The following BBS9 variants were observed in gnomAD, a reference collection of about 807,000 sequenced individuals.
BBS9 encodes protein PTHB1.
In BBS9, 89 loss-of-function variants were observed where a neutral mutation model predicts 117.7. The ratio of observed to expected loss-of-function variants is 0.76; its 90% CI spans 0.64 to 0.90. The LOEUF (loss-of-function observed/expected upper bound fraction) is 0.90, where lower values mean the gene tolerates loss of function less well. Among genes scored for constraint, BBS9 ranks in the 40% least tolerant of loss-of-function variants. The probability of loss-of-function intolerance (pLI) is 0.00; values close to 1 mark genes in which losing one functional copy is unlikely to be tolerated. For missense variants in BBS9, 982 were observed against 1,042.2 expected, an observed-to-expected ratio of 0.94 and a Z score of 0.80; for synonymous variants, 379 against 370.9, an observed-to-expected ratio of 1.02 and a Z score of -0.25.
intron 5 of BBS9, among the ~76,000 whole-genome samples, chr7:33,184,728 AG>A (rs1420170660): frequency 6.6e-6 from 1 of 152,122 alleles, no homozygotes; most frequent in Non-Finnish European, 1.5e-5. Flanking sequence ...GTTACTGGAA[AG>A]GGGTCCTGAT....
chr7:33,266,058 T>C (rs574080683), intron 7 of BBS9, among the ~76,000 whole-genome samples: 127 of 152,258 alleles, frequency 8.3e-4, no homozygotes, highest in African/African-American at 2.9e-3. Flanking sequence ...GTTCCAAATA[T>C]TCCATGGCTC....
chr7:33,395,950 T>A (rs1827883634), intron 19 of BBS9, among the ~76,000 whole-genome samples: 1 of 152,158 alleles, frequency 6.6e-6, no homozygotes, highest in Non-Finnish European at 1.5e-5. Flanking sequence ...GGGCTTGTTT[T>A]TCATATAACC....
chr7:33,519,023 C>A (rs186295896), intron 20 of BBS9, among the ~76,000 whole-genome samples: 42 of 151,268 alleles, frequency 2.8e-4, no homozygotes, highest in African/African-American at 8.7e-4. Context: ...AAATAAATAG[C>A]CATGTCTTAA....
intron 21 of BBS9, among the ~76,000 whole-genome samples, chr7:33,539,551 A>G (rs1851947212): frequency 1.3e-5 from 2 of 152,248 alleles, no homozygotes; most frequent in African/African-American, 2.4e-5. Flanking sequence ...GTGAATGACA[A>G]TAGTGCATAC....
intron 19 of BBS9, among the ~76,000 whole-genome samples, chr7:33,470,965 TG>T (rs2128954281): frequency 6.6e-6 from 1 of 152,342 alleles, no homozygotes; most frequent in East Asian, 1.9e-4. Flanking sequence ...GATTCTATAA[TG>T]CCATCGTGCC....
intron 11 of BBS9, among the ~76,000 whole-genome samples, chr7:33,344,113 T>C (rs1407971769): frequency 8.5e-6 from 1 of 117,968 alleles, no homozygotes; most frequent in Non-Finnish European, 1.7e-5. Flanking sequence ...TGAGGCAGAG[T>C]CTCTGTCGCC....
At chr7:33,147,007 T>A (rs1303683000) in intron 2 of BBS9, among the ~76,000 whole-genome samples, 1 of 152,152 alleles carries the variant, frequency 6.6e-6, no homozygotes, top group Non-Finnish European at 1.5e-5. Flanking sequence ...TTTGTAGAAA[T>A]TCTTTACAAG....
At chr7:33,199,214 A>T (rs1007211009) in intron 5 of BBS9, among the ~76,000 whole-genome samples, 12 of 151,810 alleles carry the variant, frequency 7.9e-5, no homozygotes, top group Non-Finnish European at 1.8e-4. Context: ...TATTGTTTTG[A>T]TGTCAATATT....
rs1864531286 is a variant in BBS9, at chr7:33,606,008, T to TG, written c.*782_*783insG. On this transcript the variant is annotated 3_prime_UTR_variant, in exon 23 of 23. Coordinates refer to ENST00000242067, the MANE Select transcript of BBS9 (RefSeq NM_198428.3). ...AGAAGTGAAAGAAACTTTGCTAATTTCAAGTTCGAATTACAGTTGTGAGAT... is the reference window on the plus strand; with the variant it reads ...AGAAGTGAAAGAAACTTTGCTAATTTGCAAGTTCGAATTACAGTTGTGAGAT... 2 of 152,198 alleles carry TG rather than the reference T, an allele frequency of 1.3e-5. No homozygotes were observed. The allele number at this position is 152,198 out of a possible 1,614,324, so 9.4% of individuals were successfully genotyped here. A position where few individuals can be genotyped will look rare whatever the true frequency, so the allele number is the denominator to read the frequency against.
intron 11 of BBS9, among the ~76,000 whole-genome samples, chr7:33,342,102 C>T (rs1243556637): frequency 1.3e-5 from 2 of 151,958 alleles, no homozygotes; most frequent in Non-Finnish European, 2.9e-5. Context: ...TACTTTAAAA[C>T]GTATATCATG....
At chr7:33,274,035 A>G (rs1333106233) in intron 9 of BBS9, 79 bp downstream of exon 9, 9 of 1,486,822 alleles carry the variant, frequency 6.1e-6, no homozygotes, top group African/African-American at 1.4e-5. Flanking sequence ...AAATAATGAC[A>G]AGTGATTTTA....
intron 5 of BBS9, among the ~76,000 whole-genome samples, chr7:33,180,223 A>G (rs1797901598): frequency 6.6e-6 from 1 of 152,194 alleles, no homozygotes; most frequent in Non-Finnish European, 1.5e-5. Flanking sequence ...ACCCTAGCCA[A>G]TAGGGGAACA....
chr7:33,152,613 C>T, intron 2 of BBS9, 88 bp from the exon 3 acceptor site: 1 of 1,265,726 alleles, frequency 7.9e-7, no homozygotes, highest in Non-Finnish European at 1.1e-6. Context: ...TTTTAGATTT[C>T]TCTTTTACAC....
At chr7:33,332,545 C>T (rs1172028541) in intron 9 of BBS9, among the ~76,000 whole-genome samples, 1 of 152,004 alleles carries the variant, frequency 6.6e-6, no homozygotes, top group Non-Finnish European at 1.5e-5. Flanking sequence ...GGTGTGGTGG[C>T]AGGCGCCTGT....
chr7:33,332,344 C>A (rs1361955698), intron 9 of BBS9, among the ~76,000 whole-genome samples: 1 of 151,928 alleles, frequency 6.6e-6, no homozygotes, highest in Non-Finnish European at 1.5e-5. Context: ...AAGTCATAAC[C>A]AAAAGCCACC....
At chr7:33,366,543 C>CTTT (rs70989948) in intron 16 of BBS9, among the ~76,000 whole-genome samples, 56 of 89,686 alleles carry the variant, frequency 6.2e-4, no homozygotes, top group South Asian at 8.8e-4. Context: ...TCTTTTCTTT[C>CTTT]TTTTTTTTTT....
intron 19 of BBS9, among the ~76,000 whole-genome samples, chr7:33,443,694 G>A (rs1261441992): frequency 6.6e-6 from 1 of 152,144 alleles, no homozygotes. Context: ...AGTTCATCTT[G>A]GCATTCTCTT....
intron 20 of BBS9, among the ~76,000 whole-genome samples, chr7:33,530,915 A>G (rs1850475649): frequency 1.3e-5 from 2 of 152,264 alleles, no homozygotes; most frequent in South Asian, 4.1e-4. Context: ...GAAGTTCTCT[A>G]GTGGAAATAT....
intron 9 of BBS9, among the ~76,000 whole-genome samples, chr7:33,316,155 T>C (rs949545170): frequency 1.3e-5 from 2 of 152,204 alleles, no homozygotes; most frequent in African/African-American, 4.8e-5. Context: ...TCATATTCTC[T>C]TTTTCACAAT....
Sources: allele counts gnomAD v4.1 joint callset (sites outside exome capture counted in the v4.1 genomes callset), GRCh38; gene constraint gnomAD v4.1.1; transcripts MANE v1.5; gene names NCBI Gene and HGNC (gene_info 2026-07-23, HGNC 2026-07-21).